The following ZBTB20 variants were observed in gnomAD, a reference collection of about 807,000 sequenced individuals.
ZBTB20 encodes the protein zinc finger and BTB domain-containing protein 20.
In ZBTB20, 9 loss-of-function variants were observed where a neutral mutation model predicts 56.9. The observed-to-expected ratio is 0.16, with a 90% CI of 0.10 to 0.28. ZBTB20 has a LOEUF of 0.28. ZBTB20 is among the 10% of genes least tolerant of loss of function. The pLI is 1.00. For synonymous variants in ZBTB20, 417 were observed against 420.7 expected (o/e 0.99, Z 0.11); for missense variants, 655 against 1,003.0 (o/e 0.65, Z 4.69).
intron 5 of ZBTB20, among the ~76,000 whole-genome samples, chr3:114,712,951 T>C (rs1200887971): frequency 6.6e-6 from 1 of 152,156 alleles, no homozygotes; most frequent in Non-Finnish European, 1.5e-5. Context: ...CTAATAATGG[T>C]ATAACCTGCT....
At chr3:115,037,345 T>G (rs957879328) in intron 2 of ZBTB20, among the ~76,000 whole-genome samples, 3 of 152,008 alleles carry the variant, frequency 2.0e-5, no homozygotes, top group African/African-American at 7.2e-5. Context: ...AGTGCAGTGG[T>G]GCAATCTCAG....
chr3:114,658,286 T>C (rs1361679132), intron 6 of ZBTB20: 1 of 152,224 alleles, frequency 6.6e-6, no homozygotes, highest in South Asian at 2.1e-4. Context: ...TACAGTTGTG[T>C]AGGGAAAATG....
intron 1 of ZBTB20, among the ~76,000 whole-genome samples, chr3:115,118,597 T>A (rs898939356): frequency 2.6e-5 from 4 of 151,288 alleles, no homozygotes; most frequent in African/African-American, 9.7e-5. Context: ...GAAAGTGACA[T>A]CTAATGATAA....
At chr3:115,021,338 G>A (rs17703731) in intron 2 of ZBTB20, among the ~76,000 whole-genome samples, 4 of 150,752 alleles carry the variant, frequency 2.7e-5, no homozygotes, top group African/African-American at 7.3e-5. Context: ...TACTGAAAAC[G>A]CATTGTCTTT....
intron 3 of ZBTB20, among the ~76,000 whole-genome samples, chr3:114,964,156 T>G (rs1285209480): frequency 6.6e-6 from 1 of 152,178 alleles, no homozygotes; most frequent in Non-Finnish European, 1.5e-5. Context: ...GGCTTACACC[T>G]GTAATCTCAG....
chr3:114,884,364 GA>G (rs1230053726), intron 4 of ZBTB20, among the ~76,000 whole-genome samples: 2 of 152,160 alleles, frequency 1.3e-5, no homozygotes, highest in Non-Finnish European at 2.9e-5. Flanking sequence ...CACAATTTCT[GA>G]AACTGTCATC....
At chr3:115,094,542 CTT>C (rs1354942721) in intron 1 of ZBTB20, among the ~76,000 whole-genome samples, 16 of 140,610 alleles carry the variant, frequency 1.1e-4, no homozygotes, top group Admixed American at 1.4e-4. Context: ...CTAGTAATAG[CTT>C]TTTTTTTTTT....
intron 3 of ZBTB20, among the ~76,000 whole-genome samples, chr3:114,914,411 G>GT (rs1423940972): frequency 2.0e-5 from 3 of 151,800 alleles, no homozygotes; most frequent in Non-Finnish European, 2.9e-5. Context: ...ACTGACTTTT[G>GT]TATGTTGACT....
intron 1 of ZBTB20, among the ~76,000 whole-genome samples, chr3:115,084,359 G>T (rs570321251): frequency 6.7e-6 from 1 of 149,916 alleles, no homozygotes; most frequent in Non-Finnish European, 1.5e-5. Context: ...GTGGTTGCCT[G>T]TCTCATAACA....
At chr3:114,491,110 G>A (rs1022394554) in intron 7 of ZBTB20, among the ~76,000 whole-genome samples, 1 of 152,202 alleles carries the variant, frequency 6.6e-6, no homozygotes, top group Non-Finnish European at 1.5e-5. Flanking sequence ...CAGATGCCTG[G>A]AGAATTTAAC....
chr3:115,146,332 C>A (rs2084970029), intron 1 of ZBTB20, among the ~76,000 whole-genome samples: 1 of 150,630 alleles, frequency 6.6e-6, no homozygotes. Flanking sequence ...AAAATCCCTG[C>A]CTCCTGCCTC....
At chr3:114,717,407 G>C (rs1217268820) in intron 5 of ZBTB20, among the ~76,000 whole-genome samples, 2 of 152,068 alleles carry the variant, frequency 1.3e-5, no homozygotes, top group Non-Finnish European at 2.9e-5. Flanking sequence ...ACTTTAAGTA[G>C]ACCAAGATCT....
chr3:114,799,883 C>A (rs184729193), intron 5 of ZBTB20, among the ~76,000 whole-genome samples: 22 of 151,986 alleles, frequency 1.4e-4, no homozygotes. Flanking sequence ...AGACCATAGG[C>A]AGAGACATAT....
intron 6 of ZBTB20, among the ~76,000 whole-genome samples, chr3:114,665,230 T>C (rs944523479): frequency 6.6e-6 from 1 of 152,086 alleles, no homozygotes; most frequent in Non-Finnish European, 1.5e-5. Flanking sequence ...TGTTTACATA[T>C]GTAAATACTT....
intron 5 of ZBTB20, among the ~76,000 whole-genome samples, chr3:114,725,506 G>A (rs145309641): frequency 3.9e-5 from 6 of 152,218 alleles, no homozygotes; most frequent in South Asian, 2.1e-4. Flanking sequence ...CGCATTAATC[G>A]AAATTGATAA....
At chr3:114,469,135 C>T (rs1377209752) in intron 7 of ZBTB20, among the ~76,000 whole-genome samples, 1 of 150,694 alleles carries the variant, frequency 6.6e-6, no homozygotes, top group Non-Finnish European at 1.5e-5. Flanking sequence ...AAAATTCTAT[C>T]TGCTAGCTAG....
intron 3 of ZBTB20, among the ~76,000 whole-genome samples, chr3:114,916,421 C>T (rs1403279557): frequency 1.3e-5 from 2 of 151,992 alleles, no homozygotes; most frequent in African/African-American, 4.8e-5. Context: ...TTTCTATGTA[C>T]ATATTACGTA....
chr3:114,870,718 C>G (rs967030615), intron 4 of ZBTB20, among the ~76,000 whole-genome samples: 1 of 151,898 alleles, frequency 6.6e-6, no homozygotes, highest in Admixed American at 6.6e-5. Flanking sequence ...AAGAAAATAC[C>G]AAGAAGAATA....
chr3:114,745,246 G>A (rs750650664), intron 5 of ZBTB20, among the ~76,000 whole-genome samples: 9 of 152,098 alleles, frequency 5.9e-5, no homozygotes, highest in Non-Finnish European at 8.8e-5. Flanking sequence ...CACCAGACCC[G>A]TCCAACAGTT....
Sources: allele counts gnomAD v4.1 joint callset (sites outside exome capture counted in the v4.1 genomes callset), GRCh38; gene constraint gnomAD v4.1.1; transcripts MANE v1.5; gene names NCBI Gene and HGNC (gene_info 2026-07-23, HGNC 2026-07-21).